SV2C: variants seen among roughly 807,000 people sequenced by gnomAD.
The protein encoded by SV2C is synaptic vesicle glycoprotein 2C, also known as solute carrier family 22 member B3.
Under a neutral mutation model 79.7 loss-of-function variants are expected in SV2C, and 49 were observed. The observed-to-expected ratio is 0.61, with a 90% CI of 0.49 to 0.78. The LOEUF (loss-of-function observed/expected upper bound fraction) is 0.78. SV2C is among the 30% of genes least tolerant of loss of function. SV2C has a pLI of 0.00. For missense variants in SV2C, 833 were observed against 912.9 expected (o/e 0.91, Z 1.13); for synonymous variants, 334 against 333.2 (o/e 1.00, Z -0.03).
At chr5:75,933,074 A>C in the SV2C span, among the ~76,000 whole-genome samples, 1 of 152,086 alleles carries the variant, frequency 6.6e-6, no homozygotes, top group South Asian at 2.1e-4. Flanking sequence ...GGTCTATGCA[A>C]CTGATGTTTC....
the SV2C span, among the ~76,000 whole-genome samples, chr5:75,923,049 G>T: frequency 6.6e-6 from 1 of 152,204 alleles, no homozygotes; most frequent in Admixed American, 6.5e-5. Flanking sequence ...GCTGAGCTTT[G>T]ATACTGGCAT....
intron 6 of SV2C, among the ~76,000 whole-genome samples, chr5:76,287,152 A>G (rs1308643904): frequency 6.6e-6 from 1 of 152,206 alleles, no homozygotes; most frequent in African/African-American, 2.4e-5. Flanking sequence ...TGAAAAGTTT[A>G]TTCATAGGCC....
rs748481405 is a variant in SV2C, at chr5:76,209,701, C to A, written c.762-35C>A. On this transcript the variant is annotated intron_variant, in intron 3 of 12. Transcript: ENST00000502798. ...TTGCGTCTCACATGAGCTGTCCACA[C>A]CCTGATTTCATGTATTCTCTGTACC... 3 of 1,603,380 alleles carry A rather than the reference C, an allele frequency of 1.9e-6. No individual in the cohort carries two copies. The East Asian group carries it at 6.7e-5, about 36-fold the overall frequency.
chr5:76,263,555 G>A (rs1295281832), intron 4 of SV2C, among the ~76,000 whole-genome samples: 1 of 152,076 alleles, frequency 6.6e-6, no homozygotes, highest in Non-Finnish European at 1.5e-5. Context: ...ATTTTTCATG[G>A]TGTTGATGGT....
intron 3 of SV2C, among the ~76,000 whole-genome samples, chr5:76,208,418 C>T (rs17566351): frequency 0.17 from 25,591 of 152,048 alleles, 2,312 homozygotes; most frequent in Non-Finnish European, 0.19. Context: ...TCCACTGATG[C>T]GTAACTATGG....
At chr5:76,006,218 T>G in the SV2C span, among the ~76,000 whole-genome samples, 1 of 152,168 alleles carries the variant, frequency 6.6e-6, no homozygotes. Context: ...TTCTAGAAAC[T>G]CTGACCCAGT....
chr5:75,910,716 AG>A, the SV2C span: 1 of 1,361,592 alleles, frequency 7.3e-7, no homozygotes, highest in Non-Finnish European at 1.0e-6. Context: ...AACAAAGCCC[AG>A]ACTATGTTTG....
At chr5:76,245,802 C>T (rs1413668019) in intron 4 of SV2C, among the ~76,000 whole-genome samples, 1 of 151,882 alleles carries the variant, frequency 6.6e-6, no homozygotes, top group Non-Finnish European at 1.5e-5. Flanking sequence ...TTATTGGAGC[C>T]AGGAAGAGAG....
intron 10 of SV2C, 151 bp from the exon 11 acceptor site, chr5:76,300,578 C>CAGA: frequency 1.4e-6 from 1 of 696,440 alleles, no homozygotes; most frequent in Non-Finnish European, 2.4e-6. Context: ...ATGCTTTGGC[C>CAGA]AGAAGACCCA....
At chr5:75,971,978 A>G in the SV2C span, among the ~76,000 whole-genome samples, 1 of 152,134 alleles carries the variant, frequency 6.6e-6, no homozygotes, top group African/African-American at 2.4e-5. Flanking sequence ...CAAAACAGAG[A>G]TACAGACTAA....
the SV2C span, among the ~76,000 whole-genome samples, chr5:75,984,502 G>A: frequency 1.3e-5 from 2 of 152,066 alleles, no homozygotes; most frequent in East Asian, 3.9e-4. Context: ...CACTGTATCA[G>A]TCAGGGTTCC....
At chr5:75,868,380 A>G in the SV2C span, among the ~76,000 whole-genome samples, 1 of 152,220 alleles carries the variant, frequency 6.6e-6, no homozygotes, top group Non-Finnish European at 1.5e-5. Context: ...TTGGGAGAGT[A>G]ATGCAAACAG....
chr5:76,324,600 T>C (rs552459496), intron 12 of SV2C, among the ~76,000 whole-genome samples: 1 of 152,140 alleles, frequency 6.6e-6, no homozygotes, highest in East Asian at 1.9e-4. Flanking sequence ...TCCCAGCACT[T>C]TGGGAGGCCA....
the SV2C span, among the ~76,000 whole-genome samples, chr5:75,900,699 A>AGTACACCAATCTGATT: frequency 2.0e-5 from 3 of 152,156 alleles, no homozygotes; most frequent in Admixed American, 6.6e-5. Flanking sequence ...TTTCACATGT[A>AGTACACCAATCTGATT]GTACACCAAT....
chr5:75,922,808 C>T, the SV2C span, among the ~76,000 whole-genome samples: 21 of 152,292 alleles, frequency 1.4e-4, no homozygotes, highest in African/African-American at 4.8e-4. Context: ...CCAAAATCAT[C>T]ACATGGAGAA....
chr5:75,956,607 A>G, the SV2C span, among the ~76,000 whole-genome samples: 1 of 151,998 alleles, frequency 6.6e-6, no homozygotes, highest in Non-Finnish European at 1.5e-5. Flanking sequence ...CGGGTTGAAA[A>G]TTAAGACCAG....
rs1161156103 is a variant in SV2C, at chr5:76,352,145, G to A, written c.2001-985G>A. 4.6e-5 allele frequency among the ~76,000 whole-genome samples: 7 copies of A among 152,112 alleles called. No individual in the cohort carries two copies. The East Asian group carries it at 5.8e-4, about 13-fold the overall frequency. On this transcript the variant is annotated intron_variant, in intron 12 of 12. Transcript: ENST00000322285. Reference sequence around the variant, plus strand: ...GGAGAATTACTTGAACCCAGGAGGCGGAGGTTGCAGTGAGCTGAGCTTGCG... The same window carrying A: ...GGAGAATTACTTGAACCCAGGAGGCAGAGGTTGCAGTGAGCTGAGCTTGCG...
chr5:76,013,693 A>C, the SV2C span, among the ~76,000 whole-genome samples: 1 of 152,180 alleles, frequency 6.6e-6, no homozygotes, highest in East Asian at 1.9e-4. Context: ...AATTTATAAA[A>C]ATAATGTATA....
the SV2C span, among the ~76,000 whole-genome samples, chr5:76,002,890 A>G: frequency 1.5e-5 from 2 of 136,372 alleles, no homozygotes; most frequent in Admixed American, 1.4e-4. Flanking sequence ...TATGTAAATA[A>G]AGTAACCAGA....
Sources: gnomAD v4.1 joint callset for allele counts (sites outside exome capture counted in the v4.1 genomes callset) on GRCh38, gnomAD v4.1.1 for gene constraint, MANE v1.5 for transcripts, NCBI Gene and HGNC (gene_info 2026-07-23, HGNC 2026-07-21) for gene names.